Variants in LINGO2 observed in about 807,000 individuals in gnomAD.
LINGO2 encodes leucine rich repeat and Ig domain containing 2.
A neutral mutation model predicts 30.6 loss-of-function variants in LINGO2; 14 were observed. The observed-to-expected ratio is 0.46, with a 90% CI of 0.30 to 0.72. The LOEUF (loss-of-function observed/expected upper bound fraction) is 0.72. Among genes scored for constraint, LINGO2 ranks in the 30% least tolerant of loss-of-function variants. The pLI, the probability that LINGO2 is intolerant of heterozygous loss-of-function variation, is 0.07. For missense variants in LINGO2, 729 were observed against 751.7 expected, an observed-to-expected ratio of 0.97 and a Z score of 0.35; for synonymous variants, 317 against 288.5, an observed-to-expected ratio of 1.10 and a Z score of -1.00.
At chr9:29,061,173 AG>A in the LINGO2 span, among the ~76,000 whole-genome samples, 3 of 152,016 alleles carry the variant, frequency 2.0e-5, no homozygotes, top group Non-Finnish European at 4.4e-5. Flanking sequence ...AACAATAGAG[AG>A]GAGAAGCTGT....
chr9:28,641,774 C>T (rs1017604873), intron 1 of LINGO2, among the ~76,000 whole-genome samples: 1 of 152,134 alleles, frequency 6.6e-6, no homozygotes, highest in Admixed American at 6.5e-5. Flanking sequence ...CAAAAGGAAA[C>T]TATGCATAAG....
chr9:28,100,207 TG>T (rs893069611), intron 4 of LINGO2, among the ~76,000 whole-genome samples: 1 of 152,174 alleles, frequency 6.6e-6, no homozygotes, highest in African/African-American at 2.4e-5. Flanking sequence ...CATAAAATCA[TG>T]AATAAAATCA....
the LINGO2 span, among the ~76,000 whole-genome samples, chr9:28,799,520 G>T: frequency 6.6e-6 from 1 of 152,126 alleles, no homozygotes; most frequent in Non-Finnish European, 1.5e-5. Flanking sequence ...AATATTTGGT[G>T]ATGAGTGAAG....
the LINGO2 span, among the ~76,000 whole-genome samples, chr9:28,991,933 G>A: frequency 5.9e-5 from 9 of 152,062 alleles, no homozygotes; most frequent in African/African-American, 1.9e-4. Flanking sequence ...AAAGACCATC[G>A]AGGCTAGGAA....
the LINGO2 span, among the ~76,000 whole-genome samples, chr9:28,702,946 C>T: frequency 6.6e-6 from 1 of 151,782 alleles, no homozygotes; most frequent in Admixed American, 6.6e-5. Context: ...CCTTTATCAA[C>T]CTTTTGATGT....
chr9:29,152,454 A>G, the LINGO2 span, among the ~76,000 whole-genome samples: 1 of 152,212 alleles, frequency 6.6e-6, no homozygotes, highest in Non-Finnish European at 1.5e-5. Context: ...TATGTTACAT[A>G]TACACCATGG....
At chr9:28,342,769 C>T (rs755899858) in intron 3 of LINGO2, among the ~76,000 whole-genome samples, 18 of 151,846 alleles carry the variant, frequency 1.2e-4, no homozygotes, top group Non-Finnish European at 2.4e-4. Context: ...GAAAATGACT[C>T]TACATGGTTA....
chr9:28,476,806 G>T (rs1378909664), intron 1 of LINGO2, among the ~76,000 whole-genome samples: 1 of 152,114 alleles, frequency 6.6e-6, no homozygotes, highest in South Asian at 2.1e-4. Context: ...ATTCTTTGTC[G>T]TTTATGTATT....
At chr9:28,858,972 T>A in the LINGO2 span, among the ~76,000 whole-genome samples, 2 of 6,828 alleles carry the variant, frequency 2.9e-4, no homozygotes, top group South Asian at 0.016. Context: ...AGGCAGATCG[T>A]TATGTCATAA....
intron 5 of LINGO2, among the ~76,000 whole-genome samples, chr9:27,976,597 A>G (rs1433186586): frequency 2.0e-5 from 3 of 152,072 alleles, no homozygotes; most frequent in African/African-American, 7.2e-5. Context: ...TAGATAGGCA[A>G]TTGATTTTCA....
chr9:28,754,790 C>T, the LINGO2 span, among the ~76,000 whole-genome samples: 463 of 151,834 alleles, frequency 3.0e-3, 4 homozygotes, highest in African/African-American at 0.011. Flanking sequence ...ACCACCACAC[C>T]GGGCTAATTT....
chr9:28,735,016 T>C, the LINGO2 span, among the ~76,000 whole-genome samples: 1 of 152,312 alleles, frequency 6.6e-6, no homozygotes, highest in Non-Finnish European at 1.5e-5. Flanking sequence ...CATTCTCCTA[T>C]TGATGGACAC....
chr9:28,707,143 T>G, the LINGO2 span, among the ~76,000 whole-genome samples: 1 of 152,088 alleles, frequency 6.6e-6, no homozygotes, highest in Non-Finnish European at 1.5e-5. Flanking sequence ...TATTCTTATA[T>G]CCTAAAGATG....
the LINGO2 span, among the ~76,000 whole-genome samples, chr9:29,086,891 ATTT>A: frequency 1.1e-3 from 154 of 135,938 alleles, no homozygotes; most frequent in Non-Finnish European, 1.3e-3. Context: ...AAGAGCAGTG[ATTT>A]TTTTTTTTTT....
chr9:28,970,805 C>T, the LINGO2 span, among the ~76,000 whole-genome samples: 16 of 152,210 alleles, frequency 1.1e-4, no homozygotes, highest in East Asian at 2.1e-3. Context: ...GCAGTCTAGG[C>T]GACAAGGACT....
At chr9:28,984,351 A>G in the LINGO2 span, among the ~76,000 whole-genome samples, 4 of 152,128 alleles carry the variant, frequency 2.6e-5, no homozygotes, top group African/African-American at 9.6e-5. Context: ...AAATGCTAAA[A>G]GTTCTGCAAC....
At chr9:28,875,273 A>G in the LINGO2 span, among the ~76,000 whole-genome samples, 2 of 152,008 alleles carry the variant, frequency 1.3e-5, no homozygotes, top group Admixed American at 6.6e-5. Context: ...CATCTGCTTC[A>G]TCTCTTTTTC....
chr9:28,245,400 G>A (rs1821960381), intron 4 of LINGO2, among the ~76,000 whole-genome samples: 1 of 152,190 alleles, frequency 6.6e-6, no homozygotes, highest in South Asian at 2.1e-4. Context: ...CACAAGGTAA[G>A]GATGTCCTCT....
chr9:28,334,452 T>G (rs1825523758), intron 3 of LINGO2, among the ~76,000 whole-genome samples: 1 of 152,038 alleles, frequency 6.6e-6, no homozygotes, highest in African/African-American at 2.4e-5. Flanking sequence ...ATAGTATGGG[T>G]TTAGGTATCT....
Sources: gnomAD v4.1 joint callset for allele counts (sites outside exome capture counted in the v4.1 genomes callset) on GRCh38, gnomAD v4.1.1 for gene constraint, MANE v1.5 for transcripts, NCBI Gene and HGNC (gene_info 2026-07-23, HGNC 2026-07-21) for gene names.